The following SFMBT1 variants were observed in gnomAD, a reference collection of about 807,000 sequenced individuals.
SFMBT1 encodes scm-like with four MBT domains protein 1.
In SFMBT1, 32 loss-of-function variants were observed where a neutral mutation model predicts 108.7. That is an observed-to-expected ratio of 0.29 (90% confidence interval 0.22 to 0.40). The LOEUF (loss-of-function observed/expected upper bound fraction) is 0.40, where lower values mean the gene tolerates loss of function less well. SFMBT1 is among the 10% of genes least tolerant of loss of function. The pLI is 1.00. For missense variants in SFMBT1, 816 were observed against 1,059.6 expected (o/e 0.77, Z 3.19); for synonymous variants, 348 against 369.5 (o/e 0.94, Z 0.67).
chr3:52,983,820 T>C (rs1704809574), intron 1 of SFMBT1, among the ~76,000 whole-genome samples: 1 of 152,358 alleles, frequency 6.6e-6, no homozygotes, highest in Admixed American at 6.5e-5. Flanking sequence ...ATATTTTATA[T>C]GAACTTGCAG....
intron 1 of SFMBT1, among the ~76,000 whole-genome samples, chr3:52,986,448 A>G (rs919089082): frequency 6.6e-6 from 1 of 152,162 alleles, no homozygotes; most frequent in Admixed American, 6.5e-5. Flanking sequence ...ATAGCTTAAA[A>G]TACAAACACT....
chr3:52,969,354 A>G, intron 1 of SFMBT1, 96 bp from the exon 2 acceptor site: 1 of 1,243,034 alleles, frequency 8.0e-7, no homozygotes, highest in Non-Finnish European at 1.1e-6. Flanking sequence ...AGATGACATA[A>G]GACAAAAACA....
At chr3:52,988,571 T>C (rs893229825) in intron 1 of SFMBT1, among the ~76,000 whole-genome samples, 8 of 152,212 alleles carry the variant, frequency 5.3e-5, no homozygotes, top group Non-Finnish European at 7.4e-5. Context: ...ACAACAATGA[T>C]ACTAGGAACA....
Position 53,013,238 on chromosome 3 carries a change from G to C in SFMBT1, c.-131+32578C>G, listed in dbSNP as rs1192415431. Reference sequence around the variant, plus strand: ...ACAATTCATTCATGAAACTTGCTAAGTTACAATTTATGCACTAGTTTCTAC... The same window carrying C: ...ACAATTCATTCATGAAACTTGCTAACTTACAATTTATGCACTAGTTTCTAC... On this transcript the variant is annotated intron_variant, in intron 1 of 20. Transcript: ENST00000394752. Among the ~76,000 whole-genome samples, 5 of 151,698 alleles carry C rather than the reference G, an allele frequency of 3.3e-5. No homozygotes were observed. In the East Asian group the frequency reaches 9.6e-4, roughly 29 times the overall value.
chr3:52,963,597 T>C (rs79320689), intron 2 of SFMBT1, among the ~76,000 whole-genome samples: 1,813 of 152,046 alleles, frequency 0.012, 42 homozygotes, highest in African/African-American at 0.042. Flanking sequence ...TACAGGTACA[T>C]GCCACTGCAC....
chr3:52,908,427 T>C (rs1230942356), intron 17 of SFMBT1, among the ~76,000 whole-genome samples: 2 of 152,296 alleles, frequency 1.3e-5, no homozygotes, highest in East Asian at 3.9e-4. Context: ...TGTTTTATTA[T>C]ATGTTTCTTT....
At chr3:53,025,943 A>C (rs1409261532) in intron 1 of SFMBT1, among the ~76,000 whole-genome samples, 11 of 152,102 alleles carry the variant, frequency 7.2e-5, no homozygotes, top group Non-Finnish European at 2.9e-5. Context: ...GCACTTGAAA[A>C]CTGATTTTGC....
Position 53,010,192 on chromosome 3 carries a change from A to G in SFMBT1, c.-131+35624T>C, listed in dbSNP as rs535204620. Among the ~76,000 whole-genome samples, 5 of 152,348 alleles carry G rather than the reference A, an allele frequency of 3.3e-5. No homozygotes were observed. In the East Asian group the frequency reaches 5.8e-4, roughly 18 times the overall value. ...AAAGGAGAAAGAAAAAAGAAACTCA[A>G]ATGGATTCTCTCATTCTCAACAAAC... On this transcript the variant is annotated intron_variant, in intron 1 of 20. Transcript: ENST00000394752.
At chr3:52,945,140 A>AAAAAAAAAAAAAC (rs1368281318) in intron 3 of SFMBT1, among the ~76,000 whole-genome samples, 1 of 146,172 alleles carries the variant, frequency 6.8e-6, no homozygotes, top group African/African-American at 2.5e-5. Context: ...TCCAATTAAA[A>AAAAAAAAAAAAAC]AAAAAAAAAA....
At chr3:53,015,573 T>C (rs1198093229) in intron 1 of SFMBT1, among the ~76,000 whole-genome samples, 1 of 152,186 alleles carries the variant, frequency 6.6e-6, no homozygotes, top group Non-Finnish European at 1.5e-5. Flanking sequence ...AGATGTGACA[T>C]AGCCATATAG....
intron 1 of SFMBT1, among the ~76,000 whole-genome samples, chr3:53,017,890 T>C (rs1699178655): frequency 6.6e-6 from 1 of 152,230 alleles, no homozygotes. Context: ...TTCATTTCTT[T>C]AATACGAACT....
Position 53,015,036 on chromosome 3 carries a change from T to C in SFMBT1, c.-131+30780A>G, listed in dbSNP as rs988234813. Reference sequence around the variant, plus strand: ...GAGTGGGAGGCCAGCCTGGGTAACATGGTGAAACCTCGTCTCTACAAAACT... The same window carrying C: ...GAGTGGGAGGCCAGCCTGGGTAACACGGTGAAACCTCGTCTCTACAAAACT... On this transcript the variant is annotated intron_variant, in intron 1 of 20. Coordinates refer to ENST00000394752, the MANE Select transcript of SFMBT1 (RefSeq NM_016329.4). Among the ~76,000 whole-genome samples, 4 of 151,978 alleles carry C rather than the reference T, an allele frequency of 2.6e-5. No individual in the cohort carries two copies. In the East Asian group the frequency reaches 5.8e-4, roughly 22 times the overall value.
intron 2 of SFMBT1, among the ~76,000 whole-genome samples, chr3:52,963,057 G>C (rs932822744): frequency 6.6e-6 from 1 of 150,590 alleles, no homozygotes; most frequent in Non-Finnish European, 1.5e-5. Context: ...GTGGTGGTGC[G>C]ATCTCGGCTC....
chr3:52,960,085 T>C (rs943623591), intron 2 of SFMBT1, among the ~76,000 whole-genome samples: 2 of 151,872 alleles, frequency 1.3e-5, no homozygotes, highest in Non-Finnish European at 2.9e-5. Context: ...GGAATACTAC[T>C]ACACAGCAGT....
chr3:52,967,749 G>C (rs1269835813), intron 2 of SFMBT1, among the ~76,000 whole-genome samples: 1 of 152,118 alleles, frequency 6.6e-6, no homozygotes, highest in Non-Finnish European at 1.5e-5. Context: ...CCATGAGGGA[G>C]GTACAAATTA....
intron 1 of SFMBT1, among the ~76,000 whole-genome samples, chr3:52,996,797 C>T (rs192360334): frequency 2.7e-5 from 4 of 150,390 alleles, no homozygotes; most frequent in East Asian, 2.0e-4. Flanking sequence ...AGGCCGGGCA[C>T]GGTGGCTCAC....
chr3:52,955,765 A>C (rs1355407358), intron 2 of SFMBT1, among the ~76,000 whole-genome samples: 1 of 152,208 alleles, frequency 6.6e-6, no homozygotes, highest in African/African-American at 2.4e-5. Context: ...GCACATTTCT[A>C]CCAGAGATAC....
intron 1 of SFMBT1, among the ~76,000 whole-genome samples, chr3:52,972,602 A>G (rs1163019150): frequency 6.6e-6 from 1 of 152,118 alleles, no homozygotes; most frequent in Non-Finnish European, 1.5e-5. Context: ...AGTGAACAGA[A>G]CACACTAAGA....
chr3:52,906,001 G>A (rs953764370), intron 20 of SFMBT1, 112 bp downstream of exon 20: 4 of 1,236,504 alleles, frequency 3.2e-6, no homozygotes, highest in Non-Finnish European at 4.5e-6. Flanking sequence ...GACAATTCTT[G>A]TCTTTTGGAT....
Sources: gnomAD v4.1 joint callset for allele counts (sites outside exome capture counted in the v4.1 genomes callset) on GRCh38, gnomAD v4.1.1 for gene constraint, MANE v1.5 for transcripts, NCBI Gene and HGNC (gene_info 2026-07-23, HGNC 2026-07-21) for gene names.